The following ZDHHC15 variants were observed in gnomAD, a reference collection of about 807,000 sequenced individuals.
The protein encoded by ZDHHC15 is palmitoyltransferase ZDHHC15.
ZDHHC15 carries 19 observed loss-of-function variants against 31.7 expected under a neutral mutation model. That is an observed-to-expected ratio of 0.60 (90% CI 0.42 to 0.88). The LOEUF (loss-of-function observed/expected upper bound fraction) is 0.88. Ranked by LOEUF, ZDHHC15 falls within the 40% of genes least tolerant of loss-of-function variation. The pLI is 0.00. For synonymous variants in ZDHHC15, 103 were observed against 90.0 expected (o/e 1.14, Z -0.82); for missense variants, 209 against 251.2 (o/e 0.83, Z 1.14).
At chrX:75,374,083 G>A (rs1353611125) in intron 11 of ZDHHC15, among the ~76,000 whole-genome samples, 1 of 108,480 alleles carries the variant, frequency 9.2e-6, no homozygotes, top group Non-Finnish European at 1.9e-5. Flanking sequence ...CAGATAAGTG[G>A]ACATAGATGA....
intron 1 of ZDHHC15, among the ~76,000 whole-genome samples, chrX:75,515,608 C>A (rs959967747): frequency 1.8e-5 from 2 of 111,620 alleles, no homozygotes; most frequent in African/African-American, 6.5e-5. Flanking sequence ...CTATTTATGA[C>A]AAACCCACAG....
At chrX:75,510,700 A>G (rs2085254665) in intron 1 of ZDHHC15, among the ~76,000 whole-genome samples, 2 of 81,185 alleles carry the variant, frequency 2.5e-5, no homozygotes, top group African/African-American at 4.5e-5. Context: ...AGCATTAGGT[A>G]TATCTCCCAA....
chrX:75,415,146 A>G (rs920968548), intron 10 of ZDHHC15, among the ~76,000 whole-genome samples: 4 of 111,892 alleles, frequency 3.6e-5, no homozygotes, highest in Non-Finnish European at 7.5e-5. Flanking sequence ...GATTCCTAAA[A>G]GAAATTAACT....
At chrX:75,390,136 A>C (rs2083225699) in intron 10 of ZDHHC15, among the ~76,000 whole-genome samples, 1 of 111,788 alleles carries the variant, frequency 8.9e-6, no homozygotes. Context: ...ATTTGTGGAA[A>C]GGGGAGGGAA....
intron 9 of ZDHHC15, among the ~76,000 whole-genome samples, chrX:75,417,587 T>C (rs757298189): frequency 8.0e-5 from 9 of 112,226 alleles, no homozygotes; most frequent in South Asian, 3.7e-4. Flanking sequence ...ACAGTGGAGA[T>C]AAGCTGGTGT....
chrX:75,496,068 G>T (rs1314252992), intron 2 of ZDHHC15, among the ~76,000 whole-genome samples: 1 of 110,786 alleles, frequency 9.0e-6, no homozygotes, highest in Non-Finnish European at 1.9e-5. Flanking sequence ...TGGCAGAATG[G>T]AGAAAAATCT....
chrX:75,520,933 T>C (rs2085433114), intron 1 of ZDHHC15, among the ~76,000 whole-genome samples: 1 of 111,090 alleles, frequency 9.0e-6, no homozygotes, highest in Non-Finnish European at 1.9e-5. Flanking sequence ...AAGTTCTATA[T>C]TGGAAAAGAG....
rs1331212405 is a variant in ZDHHC15, at chrX:75,370,802, G to C, written c.*2176C>G. The C allele has an allele frequency of 1.8e-5, 2 of 111,852 alleles. No homozygotes were observed. Among genetic ancestry groups the C allele is most frequent in the Admixed American group, 9.5e-5 (1 of 10,511 alleles). 9.2% of individuals were successfully genotyped at this position (111,852 alleles called of 1,213,427 possible). A position where few individuals can be genotyped will look rare whatever the true frequency, so the allele number is the denominator to read the frequency against. On this transcript the variant is annotated 3_prime_UTR_variant, in exon 12 of 12. Coordinates refer to ENST00000373367, the MANE Select transcript of ZDHHC15 (RefSeq NM_144969.3). ...CCGCCTTGGGCTCCCAAAATGTTGG[G>C]ATTACAGGTGTGAGCCACTGCGCCC...
intron 4 of ZDHHC15, among the ~76,000 whole-genome samples, chrX:75,444,687 T>TAGAC (rs2084007375): frequency 3.4e-5 from 1 of 29,496 alleles, no homozygotes; most frequent in African/African-American, 1.6e-4. Context: ...TATATATATA[T>TAGAC]ACACACACAC....
intron 9 of ZDHHC15, among the ~76,000 whole-genome samples, chrX:75,419,369 T>C (rs2083592100): frequency 8.9e-6 from 1 of 112,117 alleles, no homozygotes; most frequent in Non-Finnish European, 1.9e-5. Flanking sequence ...TCACTGGCCA[T>C]CAGAGAAATG....
At chrX:75,506,735 A>G (rs1416960308) in intron 1 of ZDHHC15, among the ~76,000 whole-genome samples, 1 of 112,523 alleles carries the variant, frequency 8.9e-6, no homozygotes, top group East Asian at 2.8e-4. Context: ...TACATGCTGC[A>G]TGACTGCATT....
intron 11 of ZDHHC15, among the ~76,000 whole-genome samples, chrX:75,376,080 C>G (rs1313486665): frequency 1.8e-5 from 2 of 111,019 alleles, no homozygotes; most frequent in East Asian, 2.8e-4. Flanking sequence ...TATTTTTTGA[C>G]TTTTTAATAA....
At chrX:75,429,446 G>A (rs998893845) in intron 6 of ZDHHC15, among the ~76,000 whole-genome samples, 2 of 111,583 alleles carry the variant, frequency 1.8e-5, no homozygotes, top group African/African-American at 3.3e-5. Flanking sequence ...GGACTGGTTC[G>A]TGACACATCC....
chrX:75,392,503 C>G (rs2083256266), intron 10 of ZDHHC15, among the ~76,000 whole-genome samples: 1 of 112,021 alleles, frequency 8.9e-6, no homozygotes, highest in South Asian at 3.7e-4. Flanking sequence ...TTAACCATCA[C>G]AAGTCTACCT....
At chrX:75,470,652 A>T (rs2084490166) in intron 3 of ZDHHC15, among the ~76,000 whole-genome samples, 1 of 111,123 alleles carries the variant, frequency 9.0e-6, no homozygotes, top group African/African-American at 3.3e-5. Flanking sequence ...GTGCTTATGG[A>T]GGTCAGGTAA....
chrX:75,477,420 G>A (rs796816899), intron 3 of ZDHHC15, among the ~76,000 whole-genome samples: 1 of 111,676 alleles, frequency 9.0e-6, no homozygotes, highest in African/African-American at 3.2e-5. Context: ...CTTCTGTTTA[G>A]TTATTGTATC....
At chrX:75,405,611 G>T (rs1341379504) in intron 10 of ZDHHC15, among the ~76,000 whole-genome samples, 1 of 111,526 alleles carries the variant, frequency 9.0e-6, no homozygotes, top group Admixed American at 9.5e-5. Flanking sequence ...TCAACAAGAT[G>T]ATATAACAAT....
At chrX:75,493,414 C>T (rs888297765) in intron 2 of ZDHHC15, among the ~76,000 whole-genome samples, 2 of 111,858 alleles carry the variant, frequency 1.8e-5, no homozygotes, top group African/African-American at 6.5e-5. Flanking sequence ...AAGGGGAAAT[C>T]CTCCCTAATT....
At chrX:75,463,975 C>T (rs1290801317) in intron 3 of ZDHHC15, among the ~76,000 whole-genome samples, 1 of 111,787 alleles carries the variant, frequency 8.9e-6, no homozygotes, top group East Asian at 2.8e-4. Flanking sequence ...GCTATAAAGA[C>T]ACACGCACGC....
Sources: gnomAD v4.1 joint callset for allele counts (sites outside exome capture counted in the v4.1 genomes callset) on GRCh38, gnomAD v4.1.1 for gene constraint, MANE v1.5 for transcripts, NCBI Gene and HGNC (gene_info 2026-07-23, HGNC 2026-07-21) for gene names.